The following GOPC variants were observed in gnomAD, a reference collection of about 807,000 sequenced individuals.
GOPC encodes the protein Golgi-associated PDZ and coiled-coil motif-containing protein.
In GOPC, 32 loss-of-function variants were observed where a neutral mutation model predicts 51.2. The ratio of observed to expected loss-of-function variants is 0.63; its 90% CI spans 0.47 to 0.84. The LOEUF (loss-of-function observed/expected upper bound fraction) is 0.84, where lower values mean the gene tolerates loss of function less well. GOPC is among the 40% of genes least tolerant of loss of function. GOPC has a pLI of 0.00. For missense variants in GOPC, 441 were observed against 555.5 expected, an observed-to-expected ratio of 0.79 and a Z score of 2.07; for synonymous variants, 190 against 205.1, an observed-to-expected ratio of 0.93 and a Z score of 0.63.
At position 117,562,777 on chromosome 6, in the gene GOPC, TAAGTC is replaced by T. The variant is rs1489235267; in HGVS notation, c.*472_*476del. On this transcript the variant is annotated 3_prime_UTR_variant, in exon 9 of 9. Coordinates refer to ENST00000368498, the MANE Select transcript of GOPC (RefSeq NM_020399.4). ...TCTAAAGCCTTTCAGTTACAAAAAT[TAAGTC>T]AAGCCTATATTTCTACAATTCATTG... The T allele has an allele frequency of 1.9e-5, 4 of 209,396 alleles. No homozygotes were observed. Among genetic ancestry groups the T allele is most frequent in the Non-Finnish European group, 3.9e-5 (4 of 103,038 alleles). The allele number at this position is 209,396 out of a possible 1,614,324, so 13.0% of individuals were successfully genotyped here.
At chr6:117,596,606 A>G (rs763839089) in intron 1 of GOPC, among the ~76,000 whole-genome samples, 3 of 152,118 alleles carry the variant, frequency 2.0e-5, no homozygotes, top group Non-Finnish European at 4.4e-5. Flanking sequence ...ATTTTTCTAC[A>G]TGTGGCTTGC....
intron 7 of GOPC, among the ~76,000 whole-genome samples, chr6:117,567,729 G>A (rs1442133901): frequency 6.6e-6 from 1 of 151,742 alleles, no homozygotes; most frequent in East Asian, 1.9e-4. Flanking sequence ...TTACATGAAC[G>A]AGAAAGCTGA....
At chr6:117,581,160 A>G (rs1411495521) in intron 1 of GOPC, among the ~76,000 whole-genome samples, 1 of 152,340 alleles carries the variant, frequency 6.6e-6, no homozygotes, top group East Asian at 1.9e-4. Context: ...GATCTGGATT[A>G]ACACTAGGAG....
chr6:117,597,598 T>C (rs1780219676), intron 1 of GOPC, among the ~76,000 whole-genome samples: 1 of 152,218 alleles, frequency 6.6e-6, no homozygotes, highest in South Asian at 2.1e-4. Flanking sequence ...GTGAGCAATT[T>C]GAAATGGCAC....
chr6:117,560,406 A>T lies in GOPC; in HGVS notation c.*2848T>A, dbSNP rs759945842. ...GATATAATACATTATCATAAATGCA[A>T]TAGATTTGAGGCCAACCATAAGTGT... On this transcript the variant is annotated 3_prime_UTR_variant, in exon 9 of 9. Coordinates refer to ENST00000368498, the MANE Select transcript of GOPC (RefSeq NM_020399.4). 1 of 187,470 alleles carries T rather than the reference A, an allele frequency of 5.3e-6. No individual in the cohort carries two copies. The highest frequency in any genetic ancestry group is 2.0e-4 in the South Asian group (1 of 5,126). The allele number at this position is 187,470 out of a possible 1,614,324, so 11.6% of individuals were successfully genotyped here.
At chr6:117,569,098 A>C (rs926243124) in intron 7 of GOPC, among the ~76,000 whole-genome samples, 1 of 152,190 alleles carries the variant, frequency 6.6e-6, no homozygotes, top group Non-Finnish European at 1.5e-5. Context: ...TAAGAACTTT[A>C]GTTTACTCAT....
intron 1 of GOPC, among the ~76,000 whole-genome samples, chr6:117,585,760 C>T (rs1414098389): frequency 6.6e-6 from 1 of 152,170 alleles, no homozygotes; most frequent in Admixed American, 6.5e-5. Context: ...ACCCCATACC[C>T]ATACACATGC....
intron 1 of GOPC, among the ~76,000 whole-genome samples, chr6:117,579,997 G>A (rs1779935392): frequency 6.6e-6 from 1 of 151,842 alleles, no homozygotes; most frequent in African/African-American, 2.4e-5. Flanking sequence ...CCAGTCCCAA[G>A]GAATTCAAAC....
rs200868852 is a variant in GOPC at position 117,570,925 on chromosome 6, C to T, written c.847G>A (p.Val283Ile). ...DQDSLKKSQG[V>I]GPIRKVLLLK... Reference sequence around the variant, plus strand: ...AGGAGAACTTTTCTAATTGGACCAACACCTTGGCTTTTCTTTAGGGAATCT... The same window carrying T: ...AGGAGAACTTTTCTAATTGGACCAATACCTTGGCTTTTCTTTAGGGAATCT... The change falls in exon 6 of 9, where the codon GTT becomes ATT. Residue 283 changes from valine to isoleucine, a missense_variant. This residue lies in a region of GOPC where 166 missense variants were observed against 267.0 expected (regional missense o/e 0.62). Transcript: ENST00000368498. 4.5e-5 allele frequency: 72 copies of T among 1,595,674 alleles called. No homozygotes were observed. Among genetic ancestry groups the T allele is most frequent in the Non-Finnish European group, 2.6e-6 (3 of 1,168,036 alleles).
At chr6:117,600,154 TTCTTGCTG>T (rs1282204776) in intron 1 of GOPC, among the ~76,000 whole-genome samples, 1 of 152,192 alleles carries the variant, frequency 6.6e-6, no homozygotes, top group Non-Finnish European at 1.5e-5. Flanking sequence ...GTCGAGAGCC[TTCTTGCTG>T]GCAGGGGATC....
chr6:117,584,758 A>C (rs1037481159), intron 1 of GOPC, among the ~76,000 whole-genome samples: 1 of 151,610 alleles, frequency 6.6e-6, no homozygotes, highest in African/African-American at 2.4e-5. Flanking sequence ...CCTGGTGAGA[A>C]GTGACTGGAT....
intron 4 of GOPC, among the ~76,000 whole-genome samples, chr6:117,573,909 T>A (rs1239860470): frequency 6.6e-6 from 1 of 152,092 alleles, no homozygotes; most frequent in Non-Finnish European, 1.5e-5. Context: ...TAAAAAAAAA[T>A]TTATGAGATT....
In GOPC at chr6:117,563,044, T is replaced by C; in HGVS notation, c.*210A>G. 1 of 517,266 alleles carries C rather than the reference T, an allele frequency of 1.9e-6. No individual in the cohort carries two copies. The highest frequency in any genetic ancestry group is 3.4e-6 in the Non-Finnish European group (1 of 291,984). The allele number at this position is 517,266 out of a possible 1,614,324, so 32.0% of individuals were successfully genotyped here. On this transcript the variant is annotated 3_prime_UTR_variant, in exon 9 of 9. Transcript: ENST00000368498. ...GCTTACAAGTTCAAGAAAATCAAAATTGCTTTACATGCAATAGCTAATTAT... is the reference window on the plus strand; with the variant it reads ...GCTTACAAGTTCAAGAAAATCAAAACTGCTTTACATGCAATAGCTAATTAT...
intron 3 of GOPC, among the ~76,000 whole-genome samples, chr6:117,576,774 A>T (rs1019853647): frequency 6.6e-6 from 1 of 152,024 alleles, no homozygotes; most frequent in Admixed American, 6.6e-5. Context: ...TCCAGAAAAA[A>T]ATTTTCTTGG....
chr6:117,594,657 A>C (rs533035532), intron 1 of GOPC, among the ~76,000 whole-genome samples: 1 of 152,336 alleles, frequency 6.6e-6, no homozygotes, highest in African/African-American at 2.4e-5. Context: ...ATTTAAAAAC[A>C]GGACAGATTT....
At chr6:117,592,778 C>A (rs1380301089) in intron 1 of GOPC, among the ~76,000 whole-genome samples, 3 of 152,164 alleles carry the variant, frequency 2.0e-5, no homozygotes, top group African/African-American at 7.2e-5. Flanking sequence ...TACGATTCAA[C>A]CCACTACAGA....
Position 117,561,944 on chromosome 6 carries a change from GAA to G in GOPC, c.*1308_*1309del, listed in dbSNP as rs1311063321. The stretch of plus-strand genomic sequence containing the variant: ...TTTATCACATAACATCTGAATACCA[GAA>G]ATGAAGATACTGATAATATTCTAAA... On this transcript the variant is annotated 3_prime_UTR_variant, in exon 9 of 9. Transcript: ENST00000368498. The G allele has an allele frequency of 7.2e-5, 15 of 208,322 alleles. No homozygotes were observed. Among genetic ancestry groups the G allele is most frequent in the Non-Finnish European group, 4.9e-5 (5 of 102,052 alleles). 12.9% of individuals were successfully genotyped at this position (208,322 alleles called of 1,614,324 possible). A position where few individuals can be genotyped will look rare whatever the true frequency, so the allele number is the denominator to read the frequency against.
chr6:117,601,796 G>C (rs1315689449), intron 1 of GOPC, among the ~76,000 whole-genome samples: 1 of 152,094 alleles, frequency 6.6e-6, no homozygotes, highest in Non-Finnish European at 1.5e-5. Context: ...TAGGAAGGTG[G>C]ACGACAGTAC....
chr6:117,579,133 T>G lies in GOPC; in HGVS notation c.286-69A>C, dbSNP rs1319196425. 3 of 1,271,764 alleles carry G rather than the reference T, an allele frequency of 2.4e-6. No homozygotes were observed. The African/African-American group carries it at 4.5e-5, about 19-fold the overall frequency. 78.8% of individuals were successfully genotyped at this position (1,271,764 alleles called of 1,614,324 possible). ...CTTTCTTTTGACTAATAATTGTTAT[T>G]CAAGAATGACAACAGAGAGACTACC... is the stretch of plus-strand genomic sequence containing the variant. On this transcript the variant is annotated intron_variant, in intron 1 of 8. Transcript: ENST00000368498.
Sources: gnomAD v4.1 joint callset for allele counts (sites outside exome capture counted in the v4.1 genomes callset) on GRCh38, gnomAD v4.1.1 for gene constraint, gnomAD v4.1.1 regional missense constraint, MANE v1.5 for transcripts, NCBI Gene and HGNC (gene_info 2026-07-23, HGNC 2026-07-21) for gene names.